NAV1: variants seen among roughly 807,000 people sequenced by gnomAD.
NAV1 encodes the protein pore membrane and/or filament interacting like protein 3.
Under a neutral mutation model 175.2 loss-of-function variants are expected in NAV1, and 18 were observed. That is an observed-to-expected ratio of 0.10 (90% CI 0.07 to 0.15). The LOEUF (loss-of-function observed/expected upper bound fraction) is 0.15. NAV1 is among the 10% of genes least tolerant of loss of function. NAV1 has a pLI of 1.00. For missense variants in NAV1, 1,731 were observed against 2,436.6 expected (o/e 0.71, Z 6.10); for synonymous variants, 897 against 978.7 (o/e 0.92, Z 1.56).
rs1211622254 is a variant in NAV1 at position 201,694,085 on chromosome 1, A to T, written c.758-18732A>T. On this transcript the variant is annotated intron_variant, in intron 1 of 29. Coordinates refer to ENST00000367296, the Ensembl canonical transcript of NAV1. The surrounding 1 kb of genome is among the most constrained non-coding windows in gnomAD (Gnocchi z 4.2). Reference sequence around the variant, plus strand: ...GACACACACAGACATCAATTCAGTCAAGACTCTGCTCACGCCTGTCCCCAG... The same window carrying T: ...GACACACACAGACATCAATTCAGTCTAGACTCTGCTCACGCCTGTCCCCAG... 6.6e-6 allele frequency among the ~76,000 whole-genome samples: 1 copy of T among 152,154 alleles called. No homozygotes were observed. The highest frequency in any genetic ancestry group is 1.5e-5 in the Non-Finnish European group (1 of 68,024).
chr1:201,773,318 C>T (rs1262442471), intron 3 of NAV1, among the ~76,000 whole-genome samples: 2 of 152,128 alleles, frequency 1.3e-5, no homozygotes, highest in Non-Finnish European at 2.9e-5. Context: ...CAAAGTGCTA[C>T]GATTACTGGT....
chr1:201,576,871 T>G (rs11583215), intron 1 of NAV1, among the ~76,000 whole-genome samples: 12,180 of 152,312 alleles, frequency 0.08, 646 homozygotes, highest in East Asian at 0.24. Flanking sequence ...AATTTGCATT[T>G]CTCTAATTGC....
At chr1:201,571,361 T>C (rs944046568) in intron 1 of NAV1, among the ~76,000 whole-genome samples, 2 of 152,240 alleles carry the variant, frequency 1.3e-5, no homozygotes, top group African/African-American at 4.8e-5. Context: ...AGTGAATAAA[T>C]GACAGCTCCC....
intron 21 of NAV1, 48 bp downstream of exon 25, chr1:201,809,309 A>G: frequency 6.2e-7 from 1 of 1,602,254 alleles, no homozygotes; most frequent in Non-Finnish European, 8.6e-7. Context: ...AAATACTGTT[A>G]CATTTATCCA....
chr1:201,568,301 C>G (rs1222318075), intron 1 of NAV1, among the ~76,000 whole-genome samples: 1 of 151,982 alleles, frequency 6.6e-6, no homozygotes, highest in South Asian at 2.1e-4. Context: ...TCTGGGTTGC[C>G]AATCCCAGAA....
intron 1 of NAV1, among the ~76,000 whole-genome samples, chr1:201,687,935 G>A (rs1033795109): frequency 3.3e-5 from 5 of 152,218 alleles, no homozygotes; most frequent in African/African-American, 1.2e-4. Flanking sequence ...TCCCAAACAC[G>A]CCTGATTCTG....
Position 201,812,067 on chromosome 1 carries a change from A to G in NAV1, c.5024+93A>G. ...AGGAGGCAGTAGATAGGAGAAGGAA[A>G]GAGAAGTATCCAGAGCTTTTTGGGC... On this transcript the variant is annotated intron_variant, in intron 26 of 29. Transcript: ENST00000367296. The surrounding 1 kb of genome is among the most constrained non-coding windows in gnomAD (Gnocchi z 4.6). 8.1e-7 allele frequency: 1 copy of G among 1,235,344 alleles called. No individual in the cohort carries two copies. The highest frequency in any genetic ancestry group is 2.3e-5 in the East Asian group (1 of 43,050). 76.5% of individuals were successfully genotyped at this position (1,235,344 alleles called of 1,614,324 possible).
chr1:201,546,638 C>T (rs544230709), intron 1 of NAV1, among the ~76,000 whole-genome samples: 12 of 152,252 alleles, frequency 7.9e-5, no homozygotes, highest in African/African-American at 2.9e-4. Flanking sequence ...GGCCCAGTGG[C>T]TCACACCTGT....
At position 201,718,567 on chromosome 1, in the gene NAV1, C is replaced by T; in HGVS notation, c.1038C>T (p.Tyr346=). 1 of 1,614,082 alleles carries T rather than the reference C, an allele frequency of 6.2e-7. No homozygotes were observed. Among genetic ancestry groups the T allele is most frequent in the Admixed American group, 1.7e-5 (1 of 60,030 alleles). ...GCTCGGAGGGGACGCCCGCCTGGTA[C>T]ATGCACGGCGAACGGGCCCACTACT... Residue 346 remains tyrosine (Y), a synonymous_variant, in exon 3 of 30, where the codon TAC becomes TAT. Transcript: ENST00000367296. This position sits in a 1 kb window ranked among gnomAD's most constrained non-coding sequence, Gnocchi z 4.8.
intron 2 of NAV1, among the ~76,000 whole-genome samples, chr1:201,713,343 TG>T (rs1346585932): frequency 6.6e-6 from 1 of 152,184 alleles, no homozygotes; most frequent in Non-Finnish European, 1.5e-5. Context: ...TCTCAACACC[TG>T]GGTCTTTTCA....
At chr1:201,661,287 C>T (rs1410485052) in intron 1 of NAV1, among the ~76,000 whole-genome samples, 1 of 152,200 alleles carries the variant, frequency 6.6e-6, no homozygotes, top group Non-Finnish European at 1.5e-5. Flanking sequence ...CCCTCCTTAG[C>T]ATTCCTCGAG....
chr1:201,680,902 G>A (rs925517023), intron 1 of NAV1, among the ~76,000 whole-genome samples: 20 of 152,072 alleles, frequency 1.3e-4, no homozygotes, highest in Admixed American at 9.8e-4. Context: ...CACTTCTTGC[G>A]CCCATGCTTC....
chr1:201,556,130 T>C (rs1371398240), intron 1 of NAV1, among the ~76,000 whole-genome samples: 2 of 152,086 alleles, frequency 1.3e-5, no homozygotes, highest in African/African-American at 2.4e-5. Context: ...TTATAAAAAA[T>C]AGTCTGAGAC....
At chr1:201,704,290 C>A (rs1671567903) in intron 1 of NAV1, among the ~76,000 whole-genome samples, 1 of 152,218 alleles carries the variant, frequency 6.6e-6, no homozygotes, top group Non-Finnish European at 1.5e-5. Context: ...GAGACCTGGG[C>A]GGTGGCTCCC....
chr1:201,778,421 G>A lies in NAV1; in HGVS notation c.1227-2000G>A, dbSNP rs374258066. On this transcript the variant is annotated intron_variant, in intron 3 of 29. Transcript: ENST00000367296. Reference sequence around the variant, plus strand: ...TGACTTAGAGAACATGCTGAGAATAGTTTGTTTGCTTGCTTGCCAAAGATC... The same window carrying A: ...TGACTTAGAGAACATGCTGAGAATAATTTGTTTGCTTGCTTGCCAAAGATC... Among the ~76,000 whole-genome samples, 7 of 151,490 alleles carry A rather than the reference G, an allele frequency of 4.6e-5. No individual in the cohort carries two copies. The South Asian group carries it at 1.2e-3, about 27-fold the overall frequency.
At chr1:201,558,342 G>A (rs774699713) in intron 1 of NAV1, among the ~76,000 whole-genome samples, 4 of 152,192 alleles carry the variant, frequency 2.6e-5, no homozygotes, top group Non-Finnish European at 5.9e-5. Context: ...GGAAATGAAT[G>A]AGCCCAGTGC....
At chr1:201,768,081 T>C (rs1675322863) in intron 3 of NAV1, among the ~76,000 whole-genome samples, 1 of 152,038 alleles carries the variant, frequency 6.6e-6, no homozygotes, top group Non-Finnish European at 1.5e-5. Context: ...TCCTAACACT[T>C]TGGGAGGCTG....
rs772506476 is a variant in NAV1, at chr1:201,790,604, T to A, written c.3243+27T>A. On this transcript the variant is annotated intron_variant, in intron 12 of 29. Transcript: ENST00000367296. ...TAGGGTGGAAAGCCTTTGTCTCTGCTTGTTAACATCACTGCACCTCATTTT... is the reference window on the plus strand; with the variant it reads ...TAGGGTGGAAAGCCTTTGTCTCTGCATGTTAACATCACTGCACCTCATTTT... 3.1e-6 allele frequency: 5 copies of A among 1,614,040 alleles called. No homozygotes were observed. In the East Asian group the frequency reaches 1.1e-4, roughly 36 times the overall value.
rs563569282 is a variant in NAV1 at position 201,658,459 on chromosome 1, C to T, written c.757+9034C>T. On this transcript the variant is annotated intron_variant, in intron 1 of 29. Transcript: ENST00000367296. ...TTTTGATAGAAGGGTGAGATTCTGG[C>T]AGTAGAGGTAAAAAAAACTAGAAAA... Among the ~76,000 whole-genome samples the T allele has an allele frequency of 3.9e-5, 6 of 151,926 alleles. No homozygotes were observed. In the South Asian group the frequency reaches 1.2e-3, roughly 32 times the overall value.
Sources: allele counts gnomAD v4.1 joint callset (sites outside exome capture counted in the v4.1 genomes callset), GRCh38; gene constraint gnomAD v4.1.1; non-coding constraint Gnocchi (gnomAD v3.1); transcripts MANE v1.5; gene names NCBI Gene and HGNC (gene_info 2026-07-23, HGNC 2026-07-21).